SLC25A21: variants seen among roughly 807,000 people sequenced by gnomAD.
The protein encoded by SLC25A21 is mitochondrial 2-oxodicarboxylate carrier.
In SLC25A21, 47 loss-of-function variants were observed where a neutral mutation model predicts 43.8. The observed-to-expected ratio is 1.07, with a 90% CI of 0.85 to 1.37. The LOEUF is 1.37. Ranked by LOEUF, SLC25A21 falls within the 40% of genes most tolerant of loss-of-function variation. The probability of loss-of-function intolerance (pLI) is 0.00; values close to 1 mark genes in which losing one functional copy is unlikely to be tolerated. For synonymous variants in SLC25A21, 131 were observed against 121.3 expected, an observed-to-expected ratio of 1.08 and a Z score of -0.52; for missense variants, 352 against 350.2, an observed-to-expected ratio of 1.00 and a Z score of -0.04.
At chr14:37,030,459 CT>C (rs746341373) in intron 1 of SLC25A21, among the ~76,000 whole-genome samples, 1 of 152,036 alleles carries the variant, frequency 6.6e-6, no homozygotes, top group Non-Finnish European at 1.5e-5. Flanking sequence ...CTTGAATAAT[CT>C]TTTAGTTGCC....
At chr14:37,069,313 A>G (rs1962126233) in intron 1 of SLC25A21, among the ~76,000 whole-genome samples, 1 of 152,236 alleles carries the variant, frequency 6.6e-6, no homozygotes, top group Admixed American at 6.5e-5. Context: ...CCATCTCATA[A>G]GATAAATTAC....
At chr14:37,106,806 G>A (rs1372973540) in intron 1 of SLC25A21, among the ~76,000 whole-genome samples, 2 of 152,210 alleles carry the variant, frequency 1.3e-5, no homozygotes, top group South Asian at 2.1e-4. Flanking sequence ...CAGTCCTACC[G>A]ATATGTGATA....
chr14:36,870,272 AC>A (rs1890331642), intron 2 of SLC25A21, among the ~76,000 whole-genome samples: 1 of 152,170 alleles, frequency 6.6e-6, no homozygotes, highest in African/African-American at 2.4e-5. Flanking sequence ...ATTACCACAA[AC>A]CCTGTGGCTT....
chr14:37,016,854 C>T lies in SLC25A21; in HGVS notation c.71-141850G>A, dbSNP rs190676348. ...ATGAAGACAGATTATTTCCTCAAACCTCCTGAACCAATCTCTGCTGGCTTC... is the reference window on the plus strand; with the variant it reads ...ATGAAGACAGATTATTTCCTCAAACTTCCTGAACCAATCTCTGCTGGCTTC... On this transcript the variant is annotated intron_variant, in intron 1 of 9. Transcript: ENST00000331299. 1.9e-3 allele frequency among the ~76,000 whole-genome samples: 283 copies of T among 152,142 alleles called. 1 individual carries two copies. Among genetic ancestry groups the T allele is most frequent in the African/African-American group, 6.8e-3 (283 of 41,520 alleles).
intron 1 of SLC25A21, among the ~76,000 whole-genome samples, chr14:36,995,310 G>A (rs541998604): frequency 6.6e-6 from 1 of 152,188 alleles, no homozygotes; most frequent in Admixed American, 6.5e-5. Flanking sequence ...TTTCCATTTT[G>A]TGCAATTTTA....
intron 2 of SLC25A21, among the ~76,000 whole-genome samples, chr14:36,827,774 C>T: frequency 6.6e-6 from 1 of 152,190 alleles, no homozygotes; most frequent in South Asian, 2.1e-4. Flanking sequence ...TAAATACATA[C>T]AATTTTTGTT....
At chr14:37,060,446 G>C (rs1961924118) in intron 1 of SLC25A21, among the ~76,000 whole-genome samples, 1 of 149,760 alleles carries the variant, frequency 6.7e-6, no homozygotes, top group African/African-American at 2.4e-5. Flanking sequence ...AAGAGAAGTA[G>C]GGCATGGTGG....
At chr14:36,878,735 C>T (rs770385909) in intron 1 of SLC25A21, among the ~76,000 whole-genome samples, 1 of 152,134 alleles carries the variant, frequency 6.6e-6, no homozygotes, top group African/African-American at 2.4e-5. Flanking sequence ...AAGAAGATGA[C>T]TCTGAAATAT....
intron 1 of SLC25A21, among the ~76,000 whole-genome samples, chr14:36,994,683 T>C (rs769568121): frequency 6.6e-6 from 1 of 152,136 alleles, no homozygotes; most frequent in African/African-American, 2.4e-5. Flanking sequence ...TGTCTCAATC[T>C]GCCCTTAACT....
intron 3 of SLC25A21, among the ~76,000 whole-genome samples, chr14:36,812,322 T>A (rs979174717): frequency 1.3e-5 from 2 of 152,024 alleles, no homozygotes; most frequent in African/African-American, 4.8e-5. Flanking sequence ...ATCTTAAGGG[T>A]ATAAAATCAG....
At chr14:36,887,290 G>A (rs1336276377) in intron 1 of SLC25A21, among the ~76,000 whole-genome samples, 4 of 151,760 alleles carry the variant, frequency 2.6e-5, no homozygotes, top group African/African-American at 7.3e-5. Context: ...AAGGCCAGGC[G>A]CGGTGGCTCA....
intron 3 of SLC25A21, among the ~76,000 whole-genome samples, chr14:36,778,871 G>GT (rs1236720688): frequency 6.6e-6 from 1 of 152,040 alleles, no homozygotes; most frequent in Non-Finnish European, 1.5e-5. Flanking sequence ...CAAATTTCAA[G>GT]TATGCCATAC....
chr14:37,051,737 C>T (rs1961710457), intron 1 of SLC25A21, among the ~76,000 whole-genome samples: 1 of 152,288 alleles, frequency 6.6e-6, no homozygotes, highest in Non-Finnish European at 1.5e-5. Context: ...AAAAGGCCAC[C>T]TGGTAGTTGC....
chr14:36,844,748 C>A (rs1181412779), intron 2 of SLC25A21, among the ~76,000 whole-genome samples: 1 of 152,152 alleles, frequency 6.6e-6, no homozygotes, highest in Non-Finnish European at 1.5e-5. Context: ...AAAATCTGGA[C>A]AGAGGGTCAT....
chr14:36,689,784 C>G (rs781762482), intron 7 of SLC25A21, among the ~76,000 whole-genome samples: 1 of 152,210 alleles, frequency 6.6e-6, no homozygotes, highest in Non-Finnish European at 1.5e-5. Context: ...CTACAGCAAT[C>G]TATTTGAACA....
chr14:36,751,453 G>A (rs1027288638), intron 3 of SLC25A21, among the ~76,000 whole-genome samples: 6 of 152,198 alleles, frequency 3.9e-5, no homozygotes, highest in Non-Finnish European at 7.3e-5. Flanking sequence ...AAGCAACACT[G>A]CATGGGGAGT....
At chr14:36,966,611 C>T (rs1016919780) in intron 1 of SLC25A21, among the ~76,000 whole-genome samples, 13 of 152,212 alleles carry the variant, frequency 8.5e-5, no homozygotes, top group African/African-American at 3.1e-4. Flanking sequence ...TGTACTCTCA[C>T]CTCCCAGGTC....
In SLC25A21 at chr14:36,678,740, T is replaced by TATA. The variant is rs1472931291; in HGVS notation, c.*1915_*1917dup. On this transcript the variant is annotated 3_prime_UTR_variant, in exon 10 of 10. Transcript: ENST00000331299. The stretch of plus-strand genomic sequence containing the variant: ...AGAAATCTCTTGTTATTGTGCTATT[T>TATA]ATAATTTTTTTCTGGTTCTTGTATT... 5.2e-6 allele frequency: 6 copies of TATA among 1,156,494 alleles called. No homozygotes were observed. The highest frequency in any genetic ancestry group is 4.8e-5 in the African/African-American group (3 of 62,770). 71.6% of individuals were successfully genotyped at this position (1,156,494 alleles called of 1,614,324 possible).
At chr14:36,747,455 G>A (rs1885543549) in intron 3 of SLC25A21, among the ~76,000 whole-genome samples, 1 of 152,178 alleles carries the variant, frequency 6.6e-6, no homozygotes, top group Admixed American at 6.5e-5. Context: ...GTACATTGTT[G>A]TTAGTTGCCT....
Sources: gnomAD v4.1 joint callset for allele counts (sites outside exome capture counted in the v4.1 genomes callset) on GRCh38, gnomAD v4.1.1 for gene constraint, MANE v1.5 for transcripts, NCBI Gene and HGNC (gene_info 2026-07-23, HGNC 2026-07-21) for gene names.